The following SLC6A3 variants were observed in gnomAD, a reference collection of about 807,000 sequenced individuals.
SLC6A3 encodes sodium-dependent dopamine transporter.
In SLC6A3, 19 loss-of-function variants were observed where a neutral mutation model predicts 70.4. The ratio of observed to expected loss-of-function variants is 0.27; its 90% confidence interval spans 0.19 to 0.40. SLC6A3 has a LOEUF of 0.40. Among genes scored for constraint, SLC6A3 ranks in the 10% least tolerant of loss-of-function variants. The probability of loss-of-function intolerance (pLI) is 1.00; values close to 1 mark genes in which losing one functional copy is unlikely to be tolerated. For missense variants in SLC6A3, 613 were observed against 838.5 expected (o/e 0.73, Z 3.32); for synonymous variants, 368 against 356.6 (o/e 1.03, Z -0.36).
intron 4 of SLC6A3, among the ~76,000 whole-genome samples, chr5:1,423,514 A>G (rs1205526603): frequency 3.3e-5 from 5 of 152,264 alleles, no homozygotes; most frequent in African/African-American, 1.2e-4. Flanking sequence ...CCCTGCTGCT[A>G]TGAGGATTCC....
Position 1,442,872 on chromosome 5 carries a change from G to C in SLC6A3, c.286+40C>G. 1 of 1,611,328 alleles carries C rather than the reference G, an allele frequency of 6.2e-7. No individual in the cohort carries two copies. The highest frequency in any genetic ancestry group is 8.5e-7 in the Non-Finnish European group (1 of 1,177,868). On this transcript the variant is annotated intron_variant, in intron 2 of 14. Transcript: ENST00000270349. This position sits in a 1 kb window ranked among gnomAD's most constrained non-coding sequence, Gnocchi z 5.0. ...GGCCCCGGCTGCCCCTACGACCCCC[G>C]CCCGGCCAGCATGCTCAGGGAGGCT...
Position 1,441,241 on chromosome 5 carries a change from C to G in SLC6A3, c.418+118G>C, listed in dbSNP as rs1057027483. The G allele has an allele frequency of 1.5e-5, 19 of 1,263,924 alleles. No homozygotes were observed. In the African/African-American group the frequency reaches 2.5e-4, roughly 17 times the overall value. 78.3% of individuals were successfully genotyped at this position (1,263,924 alleles called of 1,614,324 possible). A position where few individuals can be genotyped will look rare whatever the true frequency, so the allele number is the denominator to read the frequency against. Reference sequence around the variant, plus strand: ...CAAGTTCAAGTGGCGTGTGCCATGCCTGTGTCTTAGCAAAGCAGGGCTGGA... The same window carrying G: ...CAAGTTCAAGTGGCGTGTGCCATGCGTGTGTCTTAGCAAAGCAGGGCTGGA... On this transcript the variant is annotated intron_variant, in intron 3 of 14. Transcript: ENST00000270349.
rs1233297980 is a variant in SLC6A3, at chr5:1,397,947, T to C, written c.1839+2968A>G. Among the ~76,000 whole-genome samples the C allele has an allele frequency of 6.6e-6, 1 of 152,194 alleles. No homozygotes were observed. The highest frequency in any genetic ancestry group is 1.9e-4 in the East Asian group (1 of 5,200). ...AGAGAGAAATAGATTTGAACAATCA[T>C]AGCATGTTCATCAGTAGGAGGAAGA... On this transcript the variant is annotated intron_variant, in intron 14 of 14. Transcript: ENST00000270349. This position sits in a 1 kb window ranked among gnomAD's most constrained non-coding sequence, Gnocchi z 4.7.
In SLC6A3 at chr5:1,408,390, A is replaced by G. The variant is rs919199300; in HGVS notation, c.1498+636T>C. 1.3e-5 allele frequency among the ~76,000 whole-genome samples: 2 copies of G among 151,768 alleles called. No individual in the cohort carries two copies. Among genetic ancestry groups the G allele is most frequent in the African/African-American group, 4.8e-5 (2 of 41,298 alleles). The stretch of plus-strand genomic sequence containing the variant: ...TGGCTCGGCCTCGCCACTTCCCTGG[A>G]AGTGAGCTGGCCAGGTAAGCGGAGC... On this transcript the variant is annotated intron_variant, in intron 11 of 14. Transcript: ENST00000270349. This position sits in a 1 kb window ranked among gnomAD's most constrained non-coding sequence, Gnocchi z 6.4.
rs1755955177 is a variant in SLC6A3 at position 1,405,601 on chromosome 5, C to T, written c.1599+587G>A. Among the ~76,000 whole-genome samples, 1 of 152,230 alleles carries T rather than the reference C, an allele frequency of 6.6e-6. No individual in the cohort carries two copies. The highest frequency in any genetic ancestry group is 1.5e-5 in the Non-Finnish European group (1 of 68,036). ...GGTTCAGTGGGGGAAGCACTGCAGGCAATCCCTAATGAAAGTGTGCGGCCA... is the reference window on the plus strand; with the variant it reads ...GGTTCAGTGGGGGAAGCACTGCAGGTAATCCCTAATGAAAGTGTGCGGCCA... On this transcript the variant is annotated intron_variant, in intron 12 of 14. Coordinates refer to ENST00000270349, the MANE Select transcript of SLC6A3 (RefSeq NM_001044.5). This position sits in a 1 kb window ranked among gnomAD's most constrained non-coding sequence, Gnocchi z 5.3.
intron 4 of SLC6A3, 98 bp downstream of exon 4, chr5:1,432,366 C>G: frequency 4.7e-6 from 4 of 859,030 alleles, no homozygotes; most frequent in Non-Finnish European, 5.8e-6. Flanking sequence ...CTCCCCGCAC[C>G]CTGGGAGTCA....
intron 6 of SLC6A3, among the ~76,000 whole-genome samples, chr5:1,417,766 G>T (rs893831299): frequency 2.0e-5 from 3 of 152,186 alleles, no homozygotes; most frequent in Admixed American, 6.5e-5. Flanking sequence ...AGTTAGGGCT[G>T]TTCCTGCAAG....
At position 1,411,394 on chromosome 5, in the gene SLC6A3, C is replaced by A. The variant is rs912413135; in HGVS notation, c.1157-39G>T. 2 of 1,444,938 alleles carry A rather than the reference C, an allele frequency of 1.4e-6. No individual in the cohort carries two copies. The highest frequency in any genetic ancestry group is 2.8e-5 in the African/African-American group (2 of 70,956). 89.5% of individuals were successfully genotyped at this position (1,444,938 alleles called of 1,614,324 possible). ...CGCCCTGCTTGCCACAGAGCCCACG[C>A]TGTGCTCTCCCGCCCATCCTGCCCC... On this transcript the variant is annotated intron_variant, in intron 8 of 14. Transcript: ENST00000270349. The surrounding 1 kb of genome is among the most constrained non-coding windows in gnomAD (Gnocchi z 6.5).
intron 4 of SLC6A3, 128 bp from the exon 5 acceptor site, chr5:1,422,142 A>G (rs1756451330): frequency 2.9e-6 from 3 of 1,027,164 alleles, no homozygotes; most frequent in Non-Finnish European, 4.3e-6. Context: ...TCTGATGGAC[A>G]AGAGATGCCT....
chr5:1,416,477 C>T lies in SLC6A3; in HGVS notation c.928-276G>A, dbSNP rs576886092. 32 of 554,488 alleles carry T rather than the reference C, an allele frequency of 5.8e-5. No homozygotes were observed. The South Asian group carries it at 5.8e-4, about 10-fold the overall frequency. The allele number at this position is 554,488 out of a possible 1,614,324, so 34.3% of individuals were successfully genotyped here. A position where few individuals can be genotyped will look rare whatever the true frequency, so the allele number is the denominator to read the frequency against. ...GTATCAAGGCAGCGATTCCACAGAACCAGAGGTGCCCTGCTCCATAGCCCT... is the reference window on the plus strand; with the variant it reads ...GTATCAAGGCAGCGATTCCACAGAATCAGAGGTGCCCTGCTCCATAGCCCT... On this transcript the variant is annotated intron_variant, in intron 6 of 14. Coordinates refer to ENST00000270349, the MANE Select transcript of SLC6A3 (RefSeq NM_001044.5).
At position 1,414,608 on chromosome 5, in the gene SLC6A3, T is replaced by C. The variant is rs907439475; in HGVS notation, c.1156+83A>G. On this transcript the variant is annotated intron_variant, in intron 8 of 14. Coordinates refer to ENST00000270349, the MANE Select transcript of SLC6A3 (RefSeq NM_001044.5). ...GCTCAGGGCCCATGCGTCTCCTTCCTCTTTCACAAGGAAAAAGGCTTTGCT... is the reference window on the plus strand; with the variant it reads ...GCTCAGGGCCCATGCGTCTCCTTCCCCTTTCACAAGGAAAAAGGCTTTGCT... 5.9e-6 allele frequency: 9 copies of C among 1,528,638 alleles called. No homozygotes were observed. The Admixed American group carries it at 1.2e-4, about 20-fold the overall frequency. The allele number at this position is 1,528,638 out of a possible 1,614,324, so 94.7% of individuals were successfully genotyped here. A position where few individuals can be genotyped will look rare whatever the true frequency, so the allele number is the denominator to read the frequency against.
At chr5:1,441,083 A>T (rs1024089085) in intron 3 of SLC6A3, among the ~76,000 whole-genome samples, 1 of 152,272 alleles carries the variant, frequency 6.6e-6, no homozygotes, top group Non-Finnish European at 1.5e-5. Flanking sequence ...ATCCATAGAT[A>T]GACATGTGTT....
intron 1 of SLC6A3, among the ~76,000 whole-genome samples, chr5:1,444,124 C>T (rs2859604): frequency 1.6e-3 from 241 of 152,288 alleles, no homozygotes; most frequent in African/African-American, 5.7e-3. Flanking sequence ...CCACATCCAC[C>T]TAGGGCAGGT....
Position 1,404,251 on chromosome 5 carries a change from C to T in SLC6A3, c.1600-1162G>A, listed in dbSNP as rs910726477. Among the ~76,000 whole-genome samples, 3 of 152,210 alleles carry T rather than the reference C, an allele frequency of 2.0e-5. No individual in the cohort carries two copies. The highest frequency in any genetic ancestry group is 2.9e-5 in the Non-Finnish European group (2 of 68,046). ...ATGGGGGCTGGGGTTGTGTCTGTCA[C>T]GTGACCAGAGCCAGGGTGAGCAGCA... On this transcript the variant is annotated intron_variant, in intron 12 of 14. Coordinates refer to ENST00000270349, the MANE Select transcript of SLC6A3 (RefSeq NM_001044.5). This position sits in a 1 kb window ranked among gnomAD's most constrained non-coding sequence, Gnocchi z 5.2.
rs1463460547 is a variant in SLC6A3, at chr5:1,436,288, C to A, written c.419-3590G>T. 1.3e-5 allele frequency among the ~76,000 whole-genome samples: 2 copies of A among 152,240 alleles called. No homozygotes were observed. The highest frequency in any genetic ancestry group is 1.3e-4 in the Admixed American group (2 of 15,280). On this transcript the variant is annotated intron_variant, in intron 3 of 14. Transcript: ENST00000270349. The surrounding 1 kb of genome is among the most constrained non-coding windows in gnomAD (Gnocchi z 5.2). The stretch of plus-strand genomic sequence containing the variant: ...GGCCCAGACGCAGGAAACCCACTAC[C>A]CTGTTGGCTACAGAACCTTCTAGTG...
rs1184836868 is a variant in SLC6A3 at position 1,441,434 on chromosome 5, A to T, written c.343T>A (p.Tyr115Asn). 1 of 1,614,230 alleles carries T rather than the reference A, an allele frequency of 6.2e-7. No homozygotes were observed. The highest frequency in any genetic ancestry group is 1.1e-5 in the South Asian group (1 of 91,078). The change falls in exon 3 of 15, where the codon TAC becomes AAC. Residue 115 changes from tyrosine (Y) to asparagine (N), a missense_variant. This residue lies in a region of SLC6A3 where 153 missense variants were observed against 249.4 expected (regional missense o/e 0.61). Transcript: ENST00000270349. Reference sequence around the variant, plus strand: ...AACTGGCCGAGGGCCAGCTCCATGTAGAAAAGTGGCATCCCAGCAATGACC... The same window carrying T: ...AACTGGCCGAGGGCCAGCTCCATGTTGAAAAGTGGCATCCCAGCAATGACC... ...FMVIAGMPLFYMELALGQFNR... is the reference protein window; with the variant it reads ...FMVIAGMPLFNMELALGQFNR...
In SLC6A3 at chr5:1,393,993, C is replaced by G. The variant is rs193282661; in HGVS notation, c.*742G>C. 1.3e-5 allele frequency: 2 copies of G among 155,676 alleles called. No individual in the cohort carries two copies. The highest frequency in any genetic ancestry group is 6.5e-5 in the Admixed American group (1 of 15,392). The allele number at this position is 155,676 out of a possible 1,614,324, so 9.6% of individuals were successfully genotyped here. ...GGGATAGGACACGCTCCTCTCAGGC[C>G]GTTCCCTACACCGCAAGGACCCACA... On this transcript the variant is annotated 3_prime_UTR_variant, in exon 15 of 15. Coordinates refer to ENST00000270349, the MANE Select transcript of SLC6A3 (RefSeq NM_001044.5).
In SLC6A3 at chr5:1,393,615, GCTCCTGTGGGGGCCCTGCATGCA is replaced by G. The variant is rs1560901515; in HGVS notation, c.*1097_*1119del. The G allele has an allele frequency of 3.0e-3, 439 of 147,368 alleles. 1 individual carries two copies. The highest frequency in any genetic ancestry group is 0.011 in the African/African-American group (419 of 39,402). 9.1% of individuals were successfully genotyped at this position (147,368 alleles called of 1,614,324 possible). On this transcript the variant is annotated 3_prime_UTR_variant, in exon 15 of 15. Transcript: ENST00000270349. ...CTGCATGCGTCCTGGGGTAGTACAC[GCTCCTGTGGGGGCCCTGCATGCA>G]TCCTGGGGTAGTACACGCTCCTGTG... is the stretch of plus-strand genomic sequence containing the variant.
Position 1,421,940 on chromosome 5 carries a change from C to T in SLC6A3, c.728G>A (p.Cys243Tyr), listed in dbSNP as rs774584106. ...LGPPRWQLTA[C>Y]LVLVIVLLYF... ...GAGCAGCACGATGACCAGCACCAGG[C>T]AGGCTGTGAGCTGCCACCGCGGAGG... The change falls in exon 5 of 15, where the codon TGC becomes TAC. Residue 243 changes from cysteine (C) to tyrosine (Y), a missense_variant. Coordinates refer to ENST00000270349, the MANE Select transcript of SLC6A3 (RefSeq NM_001044.5). This position sits in a 1 kb window ranked among gnomAD's most constrained non-coding sequence, Gnocchi z 7.2. The T allele has an allele frequency of 1.2e-6, 2 of 1,613,258 alleles. No individual in the cohort carries two copies. The highest frequency in any genetic ancestry group is 1.7e-6 in the Non-Finnish European group (2 of 1,180,018).
Sources: gnomAD v4.1 joint callset for allele counts (sites outside exome capture counted in the v4.1 genomes callset) on GRCh38, gnomAD v4.1.1 for gene constraint, gnomAD v4.1.1 regional missense constraint, Gnocchi (gnomAD v3.1) non-coding constraint, MANE v1.5 for transcripts, NCBI Gene and HGNC (gene_info 2026-07-23, HGNC 2026-07-21) for gene names.